The following USP40 variants were observed in gnomAD, a reference collection of about 807,000 sequenced individuals.
The protein encoded by USP40 is ubiquitin carboxyl-terminal hydrolase 40.
In USP40, 143 loss-of-function variants were observed where a neutral mutation model predicts 166.2. The observed-to-expected ratio is 0.86, with a 90% CI of 0.75 to 0.99. The LOEUF (loss-of-function observed/expected upper bound fraction) is 0.99, where lower values mean the gene tolerates loss of function less well. Among genes scored for constraint, USP40 ranks in the 50% least tolerant of loss-of-function variants. USP40 has a pLI of 0.00. For synonymous variants in USP40, 498 were observed against 524.0 expected (o/e 0.95, Z 0.68); for missense variants, 1,444 against 1,479.7 (o/e 0.98, Z 0.40).
At chr2:233,511,088 G>A (rs556703931) in intron 20 of USP40, among the ~76,000 whole-genome samples, 3 of 152,248 alleles carry the variant, frequency 2.0e-5, no homozygotes, top group Admixed American at 6.5e-5. Flanking sequence ...AGATTACCCT[G>A]CTACAGGGTA....
intron 26 of USP40, among the ~76,000 whole-genome samples, chr2:233,490,435 G>C (rs536614983): frequency 1.3e-5 from 2 of 151,926 alleles, no homozygotes; most frequent in African/African-American, 4.8e-5. Flanking sequence ...GACTCCTAAA[G>C]TGCTGGGATT....
At chr2:233,555,740 A>C (rs2071022736) in intron 5 of USP40, among the ~76,000 whole-genome samples, 1 of 150,662 alleles carries the variant, frequency 6.6e-6, no homozygotes, top group Non-Finnish European at 1.5e-5. Context: ...GGTTCAAGCG[A>C]TTCTCCTGCC....
At chr2:233,534,684 C>T (rs1242101928) in intron 10 of USP40, among the ~76,000 whole-genome samples, 1 of 152,178 alleles carries the variant, frequency 6.6e-6, no homozygotes, top group African/African-American at 2.4e-5. Flanking sequence ...GAGGGTAAAA[C>T]AGCCTTGCAG....
At chr2:233,564,769 A>C (rs558174407) in intron 2 of USP40, among the ~76,000 whole-genome samples, 1 of 152,320 alleles carries the variant, frequency 6.6e-6, no homozygotes, top group East Asian at 1.9e-4. Flanking sequence ...AATCAAGCAG[A>C]TTAATATTCC....
intron 8 of USP40, among the ~76,000 whole-genome samples, chr2:233,548,180 C>T (rs2070177433): frequency 6.6e-6 from 1 of 152,104 alleles, no homozygotes; most frequent in Non-Finnish European, 1.5e-5. Context: ...ATCCTTCTTA[C>T]ACCTCTCATA....
intron 8 of USP40, chr2:233,547,068 A>G (rs1338158790): frequency 3.3e-5 from 5 of 152,234 alleles, no homozygotes; most frequent in African/African-American, 1.2e-4. Context: ...CATTCACTGC[A>G]GTAAGCAAAA....
At chr2:233,496,214 G>A (rs73997633) in intron 24 of USP40, among the ~76,000 whole-genome samples, 4,712 of 152,240 alleles carry the variant, frequency 0.031, 228 homozygotes, top group African/African-American at 0.11. Context: ...TCACTTTTAC[G>A]TGCATCCTCA....
intron 16 of USP40, 88 bp from the exon 17 acceptor site, chr2:233,521,202 T>C (rs1483245968): frequency 1.4e-6 from 2 of 1,440,200 alleles, no homozygotes; most frequent in Non-Finnish European, 1.8e-6. Context: ...ATGTGACTAA[T>C]TAGAGGTGAC....
chr2:233,540,305 T>C (rs1388942718), intron 10 of USP40, among the ~76,000 whole-genome samples: 1 of 152,136 alleles, frequency 6.6e-6, no homozygotes, highest in Non-Finnish European at 1.5e-5. Context: ...TGCCAATAAA[T>C]TTGATACCAT....
rs1000209925 is a variant in USP40 at position 233,477,119 on chromosome 2, A to C, written c.*273T>G. On this transcript the variant is annotated 3_prime_UTR_variant, in exon 32 of 32. Coordinates refer to ENST00000678225, the MANE Select transcript of USP40 (RefSeq NM_001365479.2). ...TTCTGGTTAAAAGAAAAAAAAAGGCAGCTGGGGCCGGGTGCTGTGTGAGAG... is the reference window on the plus strand; with the variant it reads ...TTCTGGTTAAAAGAAAAAAAAAGGCCGCTGGGGCCGGGTGCTGTGTGAGAG... 6.4e-6 allele frequency: 3 copies of C among 466,534 alleles called. No individual in the cohort carries two copies. Among genetic ancestry groups the C allele is most frequent in the Admixed American group, 3.4e-5 (1 of 29,622 alleles). 28.9% of individuals were successfully genotyped at this position (466,534 alleles called of 1,614,324 possible). A position where few individuals can be genotyped will look rare whatever the true frequency, so the allele number is the denominator to read the frequency against.
chr2:233,514,069 T>A (rs2067011112), intron 18 of USP40, among the ~76,000 whole-genome samples: 1 of 152,226 alleles, frequency 6.6e-6, no homozygotes, highest in African/African-American at 2.4e-5. Context: ...AAAGTGCTTT[T>A]AAAATACTGT....
At chr2:233,563,151 C>T (rs2071813201) in intron 2 of USP40, among the ~76,000 whole-genome samples, 1 of 152,204 alleles carries the variant, frequency 6.6e-6, no homozygotes, top group Admixed American at 6.5e-5. Flanking sequence ...AGTAGTGTTG[C>T]AGTTTTCCTG....
At position 233,559,806 on chromosome 2, in the gene USP40, C is replaced by T. The variant is rs149755973; in HGVS notation, c.381+5G>A. The T allele has an allele frequency of 2.1e-5, 33 of 1,594,638 alleles. No homozygotes were observed. Among genetic ancestry groups the T allele is most frequent in the East Asian group, 6.7e-5 (3 of 44,534 alleles). ...AACTCTTCCTTAAAGAGCTGATCCT[C>T]GTACCTCATTACTGGTCCACCCAAA... On this transcript the variant is annotated splice_donor_5th_base_variant and intron_variant, in intron 4 of 31. Transcript: ENST00000678225.
chr2:233,506,297 T>G (rs952309592), intron 21 of USP40, among the ~76,000 whole-genome samples: 1 of 152,168 alleles, frequency 6.6e-6, no homozygotes, highest in Non-Finnish European at 1.5e-5. Flanking sequence ...GATCTCCACA[T>G]GCAGAATAAT....
In USP40 at chr2:233,486,911, GT is replaced by G. The variant is rs2064986771; in HGVS notation, c.3198-935del. 1.3e-5 allele frequency among the ~76,000 whole-genome samples: 2 copies of G among 152,190 alleles called. No individual in the cohort carries two copies. On this transcript the variant is annotated intron_variant, in intron 28 of 31. Coordinates refer to ENST00000678225, the MANE Select transcript of USP40 (RefSeq NM_001365479.2). This position sits in a 1 kb window ranked among gnomAD's most constrained non-coding sequence, Gnocchi z 4.0. ...AAAGGGCATCGGCACAGATGCTGAA[GT>G]TGCCAAGGAGGGGACAGAGGCTGCT...
At chr2:233,479,167 G>A (rs1244997956) in intron 31 of USP40, among the ~76,000 whole-genome samples, 1 of 152,192 alleles carries the variant, frequency 6.6e-6, no homozygotes, top group East Asian at 1.9e-4. Context: ...CCCAGGGCCT[G>A]GGGAACTATT....
At position 233,540,774 on chromosome 2, in the gene USP40, T is replaced by C; in HGVS notation, c.1063-5A>G. 4 of 1,605,354 alleles carry C rather than the reference T, an allele frequency of 2.5e-6. No homozygotes were observed. Among genetic ancestry groups the C allele is most frequent in the Non-Finnish European group, 3.4e-6 (4 of 1,172,988 alleles). On this transcript the variant is annotated splice_region_variant and splice_polypyrimidine_tract_variant and intron_variant, in intron 9 of 31. Transcript: ENST00000678225. ...AGGAATTAGATTATTCTCCTCCTTA[T>C]GAGAGAAACACAGTCACTCAAGAAA...
chr2:233,517,824 GTA>G (rs1553563798), intron 18 of USP40, among the ~76,000 whole-genome samples: 10 of 139,128 alleles, frequency 7.2e-5, no homozygotes, highest in African/African-American at 2.4e-4. Flanking sequence ...GTGTGTGTGT[GTA>G]TGATGGAATA....
intron 27 of USP40, 126 bp downstream of exon 27, chr2:233,489,239 C>T (rs1030434475): frequency 8.1e-6 from 7 of 867,262 alleles, no homozygotes; most frequent in African/African-American, 5.0e-5. Context: ...AAGTCACAAG[C>T]GTGGCATGAC....
Sources: gnomAD v4.1 joint callset for allele counts (sites outside exome capture counted in the v4.1 genomes callset) on GRCh38, gnomAD v4.1.1 for gene constraint, Gnocchi (gnomAD v3.1) non-coding constraint, MANE v1.5 for transcripts, NCBI Gene and HGNC (gene_info 2026-07-23, HGNC 2026-07-21) for gene names.